The following ATP8B1 variants were observed in gnomAD, a reference collection of about 807,000 sequenced individuals.
ATP8B1 encodes phospholipid-transporting ATPase IC.
ATP8B1 carries 80 observed loss-of-function variants against 149.9 expected under a neutral mutation model. The ratio of observed to expected loss-of-function variants is 0.53; its 90% confidence interval spans 0.45 to 0.64. ATP8B1 has a LOEUF of 0.64. ATP8B1 is among the 30% of genes least tolerant of loss of function. ATP8B1 has a pLI of 0.00. For missense variants in ATP8B1, 1,247 were observed against 1,552.6 expected (o/e 0.80, Z 3.31); for synonymous variants, 536 against 562.8 (o/e 0.95, Z 0.67).
intron 1 of ATP8B1, among the ~76,000 whole-genome samples, chr18:57,762,616 A>G (rs111412000): frequency 0.03 from 4,599 of 152,334 alleles, 149 homozygotes; most frequent in African/African-American, 0.08. Flanking sequence ...CAGTAAAGGC[A>G]GAAGAGGAGA....
intron 22 of ATP8B1, 55 bp downstream of exon 22, chr18:57,661,119 G>C (rs1910364649): frequency 1.2e-6 from 2 of 1,601,042 alleles, no homozygotes; most frequent in Non-Finnish European, 1.7e-6. Flanking sequence ...ACACATTCCA[G>C]CCATTTCTCC....
At chr18:57,795,895 G>T (rs535501402) in intron 1 of ATP8B1, among the ~76,000 whole-genome samples, 10 of 152,002 alleles carry the variant, frequency 6.6e-5, no homozygotes, top group Admixed American at 2.0e-4. Flanking sequence ...AAAGTCAGGC[G>T]CAGTGGCTCA....
intron 15 of ATP8B1, 79 bp downstream of exon 15, chr18:57,683,957 G>C: frequency 3.9e-6 from 6 of 1,524,176 alleles, no homozygotes; most frequent in Non-Finnish European, 5.5e-6. Context: ...TACTTGACAT[G>C]CATTTGAGCC....
At chr18:57,729,249 C>T (rs770275115) in intron 2 of ATP8B1, among the ~76,000 whole-genome samples, 39 of 152,140 alleles carry the variant, frequency 2.6e-4, no homozygotes, top group Admixed American at 5.9e-4. Context: ...TGGCGTGCCA[C>T]CAAGCACCAA....
intron 3 of ATP8B1, among the ~76,000 whole-genome samples, chr18:57,705,479 C>T (rs1306410723): frequency 1.3e-5 from 2 of 152,184 alleles, no homozygotes; most frequent in South Asian, 2.1e-4. Flanking sequence ...TGAAGTCATA[C>T]GTGATTAGGA....
intron 12 of ATP8B1, 139 bp from the exon 13 acceptor site, chr18:57,688,646 T>A: frequency 1.1e-6 from 1 of 903,472 alleles, no homozygotes; most frequent in East Asian, 2.6e-5. Flanking sequence ...CCCTCCAAAT[T>A]CATATGTTGA....
chr18:57,688,768 G>A, intron 12 of ATP8B1: 1 of 473,978 alleles, frequency 2.1e-6, no homozygotes, highest in South Asian at 2.1e-5. Context: ...TGGCTCAAAG[G>A]AGCTTGCTTG....
In ATP8B1 at chr18:57,695,468, T is replaced by C; in HGVS notation, c.763A>G (p.Thr255Ala). The C allele has an allele frequency of 6.2e-7, 1 of 1,612,528 alleles. No individual in the cohort carries two copies. Among genetic ancestry groups the C allele is most frequent in the Non-Finnish European group, 8.5e-7 (1 of 1,178,562 alleles). The change falls in exon 9 of 28, where the codon ACA becomes GCA. Residue 255 changes from threonine (T) to alanine (A), a missense_variant. Coordinates refer to ENST00000648908, the MANE Select transcript of ATP8B1 (RefSeq NM_001374385.1). ...ITDQYLQRED[T>A]LATFDGFIEC... Reference sequence around the variant, plus strand: ...TACAAACCATCAAATGTAGCCAATGTATCTTCTCTTTGGAGGTACTGGTCT... The same window carrying C: ...TACAAACCATCAAATGTAGCCAATGCATCTTCTCTTTGGAGGTACTGGTCT...
At chr18:57,684,529 AATTTTTGT>A (rs1316283260) in intron 14 of ATP8B1, among the ~76,000 whole-genome samples, 3 of 151,936 alleles carry the variant, frequency 2.0e-5, no homozygotes, top group African/African-American at 7.3e-5. Flanking sequence ...ATACCTGGCT[AATTTTTGT>A]ATTTTTTTGT....
intron 13 of ATP8B1, among the ~76,000 whole-genome samples, chr18:57,687,613 AT>A (rs1199791583): frequency 6.6e-6 from 1 of 152,132 alleles, no homozygotes; most frequent in Non-Finnish European, 1.5e-5. Flanking sequence ...TTATCCATTC[AT>A]CCATTGATGA....
chr18:57,721,478 C>G (rs1028115501), intron 2 of ATP8B1, among the ~76,000 whole-genome samples: 2 of 150,532 alleles, frequency 1.3e-5, no homozygotes, highest in Admixed American at 1.3e-4. Flanking sequence ...TTTAAACCAA[C>G]AAAGATCAAA....
chr18:57,661,378 G>A lies in ATP8B1; in HGVS notation c.2503C>T (p.Arg835Trp), dbSNP rs371879699. 6.2e-6 allele frequency: 10 copies of A among 1,613,834 alleles called. No homozygotes were observed. The highest frequency in any genetic ancestry group is 8.5e-6 in the Non-Finnish European group (10 of 1,179,972). ...FPRTEEERRM[R>W]TQSKRRLEAK... Reference sequence around the variant, plus strand: ...TCTAGCCTCCTTTTACTTTGGGTCCGCATCCGTCTTTCTTCTTCTGTTCTT... The same window carrying A: ...TCTAGCCTCCTTTTACTTTGGGTCCACATCCGTCTTTCTTCTTCTGTTCTT... The change falls in exon 22 of 28, where the codon CGG becomes TGG. Residue 835 changes from arginine to tryptophan, a missense_variant. Physicochemically the swap from Arg to Trp is moderately radical, Grantham distance 101 (BLOSUM62 -3). Transcript: ENST00000648908.
rs372773522 is a variant in ATP8B1, at chr18:57,695,072, CTCT to C, written c.940+96_940+98del. The C allele has an allele frequency of 2.0e-3, 1,081 of 541,778 alleles. 20 individuals are homozygous for C. Among genetic ancestry groups the C allele is most frequent in the South Asian group, 0.015 (959 of 64,496 alleles). 33.6% of individuals were successfully genotyped at this position (541,778 alleles called of 1,614,324 possible). A position where few individuals can be genotyped will look rare whatever the true frequency, so the allele number is the denominator to read the frequency against. On this transcript the variant is annotated intron_variant, in intron 10 of 27. Coordinates refer to ENST00000648908, the MANE Select transcript of ATP8B1 (RefSeq NM_001374385.1). ...AAAAAAAAAGCTCATGATGCTATTA[CTCT>C]TCTTTTGGTTTTGATGGACAAAGGA...
chr18:57,750,964 C>G (rs2080011153), intron 1 of ATP8B1, among the ~76,000 whole-genome samples: 1 of 151,984 alleles, frequency 6.6e-6, no homozygotes, highest in African/African-American at 2.4e-5. Context: ...AGTAAAAATA[C>G]AGAAAATTAG....
chr18:57,649,928 A>G (rs1909492228), intron 27 of ATP8B1, among the ~76,000 whole-genome samples: 1 of 152,180 alleles, frequency 6.6e-6, no homozygotes, highest in South Asian at 2.1e-4. Flanking sequence ...TGCTCAATCA[A>G]CTGGGCCTGA....
At chr18:57,691,427 A>G (rs1912522228) in intron 12 of ATP8B1, among the ~76,000 whole-genome samples, 1 of 152,198 alleles carries the variant, frequency 6.6e-6, no homozygotes, top group Non-Finnish European at 1.5e-5. Context: ...GGTGAGGACC[A>G]CTTCCAAAAG....
chr18:57,661,390 C>T lies in ATP8B1; in HGVS notation c.2491G>A (p.Glu831Lys), dbSNP rs779815324. ...TTACTTTGGGTCCGCATCCGTCTTT[C>T]TTCTTCTGTTCTTGGGAACTTCAGC... ...LKLKFPRTEE[E>K]RRMRTQSKRR... The change falls in exon 22 of 28, where the codon GAA becomes AAA. Residue 831 changes from glutamate to lysine, a missense_variant. Transcript: ENST00000648908. The T allele has an allele frequency of 1.2e-6, 2 of 1,613,960 alleles. No homozygotes were observed. Among genetic ancestry groups the T allele is most frequent in the South Asian group, 1.1e-5 (1 of 91,076 alleles).
chr18:57,755,043 T>A (rs2080064000), intron 1 of ATP8B1, among the ~76,000 whole-genome samples: 1 of 152,182 alleles, frequency 6.6e-6, no homozygotes. Flanking sequence ...TGGTGTTTGT[T>A]TTTTTAAGAA....
intron 1 of ATP8B1, among the ~76,000 whole-genome samples, chr18:57,772,471 C>T (rs552893548): frequency 1.3e-5 from 2 of 151,944 alleles, no homozygotes; most frequent in African/African-American, 2.4e-5. Flanking sequence ...TACTAAAGTG[C>T]GGGTAGACAG....
Sources: gnomAD v4.1 joint callset for allele counts (sites outside exome capture counted in the v4.1 genomes callset) on GRCh38, gnomAD v4.1.1 for gene constraint, MANE v1.5 for transcripts, NCBI Gene and HGNC (gene_info 2026-07-23, HGNC 2026-07-21) for gene names.